The following STK3 variants were observed in gnomAD, a reference collection of about 807,000 sequenced individuals.
The protein encoded by STK3 is serine/threonine kinase 3, also known as serine/threonine-protein kinase 3.
A neutral mutation model predicts 58.0 loss-of-function variants in STK3; 41 were observed. The observed-to-expected ratio is 0.71, with a 90% CI of 0.55 to 0.92. The LOEUF (loss-of-function observed/expected upper bound fraction) is 0.92. Ranked by LOEUF, STK3 falls within the 40% of genes least tolerant of loss-of-function variation. STK3 has a pLI of 0.00. For missense variants in STK3, 479 were observed against 602.7 expected, an observed-to-expected ratio of 0.79 and a Z score of 2.15; for synonymous variants, 170 against 191.0, an observed-to-expected ratio of 0.89 and a Z score of 0.91.
At chr8:98,514,059 G>T (rs564735603) in intron 10 of STK3, among the ~76,000 whole-genome samples, 26 of 152,216 alleles carry the variant, frequency 1.7e-4, no homozygotes, top group African/African-American at 6.3e-4. Flanking sequence ...AGATAACCAC[G>T]TTCACTCAGA....
chr8:98,630,694 A>G (rs577362418), intron 6 of STK3, among the ~76,000 whole-genome samples: 5 of 142,680 alleles, frequency 3.5e-5, no homozygotes, highest in Non-Finnish European at 7.5e-5. Flanking sequence ...GAAGGAGAAG[A>G]AGGAGGAGAA....
intron 3 of STK3, among the ~76,000 whole-genome samples, chr8:98,838,823 G>C (rs775878959): frequency 6.6e-6 from 1 of 151,942 alleles, no homozygotes; most frequent in Non-Finnish European, 1.5e-5. Flanking sequence ...AACTCTCAAG[G>C]TTATTCCATT....
intron 6 of STK3, among the ~76,000 whole-genome samples, chr8:98,634,244 T>C (rs531791444): frequency 6.6e-6 from 1 of 152,270 alleles, no homozygotes; most frequent in African/African-American, 2.4e-5. Flanking sequence ...GCCAGCACTT[T>C]GGGAGGCCAA....
At chr8:98,400,493 C>A (rs566278093), downstream of STK3, among the ~76,000 whole-genome samples, 1 of 152,232 alleles carries the variant, frequency 6.6e-6, no homozygotes, top group Non-Finnish European at 1.5e-5. Context: ...ATCTCTCTCA[C>A]GCAGATCCCT....
At chr8:98,473,020 CTTCAAAAAT>C (rs1821039413) in intron 10 of STK3, among the ~76,000 whole-genome samples, 2 of 152,026 alleles carry the variant, frequency 1.3e-5, no homozygotes, top group South Asian at 4.1e-4. Flanking sequence ...TGTAAAGTGC[CTTCAAAAAT>C]TTGTTACTCT....
chr8:98,672,251 G>A (rs868222373), intron 6 of STK3, among the ~76,000 whole-genome samples: 8 of 151,734 alleles, frequency 5.3e-5, no homozygotes, highest in Admixed American at 1.3e-4. Context: ...CATGGTGGGC[G>A]GTGGGTGTGG....
intron 3 of STK3, among the ~76,000 whole-genome samples, chr8:98,763,669 T>G (rs1830767942): frequency 6.6e-6 from 1 of 151,760 alleles, no homozygotes; most frequent in Non-Finnish European, 1.5e-5. Context: ...ATTGTTTTTC[T>G]TTTTCTTTTT....
chr8:98,529,505 G>A (rs956172546), intron 9 of STK3, among the ~76,000 whole-genome samples: 2 of 152,058 alleles, frequency 1.3e-5, no homozygotes, highest in African/African-American at 4.8e-5. Flanking sequence ...CAAAACAGAG[G>A]TTTTATTGAC....
intron 2 of STK3, 26 bp downstream of exon 2, chr8:98,774,713 C>A: frequency 6.9e-7 from 1 of 1,454,208 alleles, no homozygotes; most frequent in East Asian, 2.3e-5. Context: ...AAATTATTTA[C>A]ATGCTTTCAT....
chr8:98,381,706 T>A (rs4478542), intron 1 of STK3, among the ~76,000 whole-genome samples: 1 of 151,990 alleles, frequency 6.6e-6, no homozygotes, highest in Non-Finnish European at 1.5e-5. Flanking sequence ...GATGAGTACA[T>A]GGAGGCTAAA....
chr8:98,442,889 G>A (rs1466347610), intron 1 of STK3, among the ~76,000 whole-genome samples: 1 of 151,826 alleles, frequency 6.6e-6, no homozygotes, highest in Non-Finnish European at 1.5e-5. Context: ...CACAGTGCAG[G>A]AAGTCCTGAG....
chr8:98,657,025 G>C (rs1485116236), intron 6 of STK3, among the ~76,000 whole-genome samples: 2 of 151,916 alleles, frequency 1.3e-5, no homozygotes, highest in African/African-American at 2.4e-5. Flanking sequence ...TGCCTTTAAA[G>C]AATACATATA....
chr8:98,371,556 A>G (rs1817611021), exon 3 of STK3: 1 of 152,276 alleles, frequency 6.6e-6, no homozygotes, highest in African/African-American at 2.4e-5. Context: ...GGGAGCCAGC[A>G]GCAGGAATGT....
At chr8:98,812,388 A>G (rs545847033) in intron 1 of STK3, among the ~76,000 whole-genome samples, 28 of 152,318 alleles carry the variant, frequency 1.8e-4, no homozygotes, top group African/African-American at 5.8e-4. Flanking sequence ...TCAGGAAACA[A>G]CAGGTGCTGG....
chr8:98,815,667 C>A (rs553383983), intron 1 of STK3, among the ~76,000 whole-genome samples: 5 of 151,818 alleles, frequency 3.3e-5, no homozygotes, highest in Admixed American at 3.3e-4. Flanking sequence ...CTCATAATGG[C>A]ATTTAAAAGA....
In STK3 at chr8:98,387,406, A is replaced by G. The variant is rs540131820; in HGVS notation, n.56+786T>C. Among the ~76,000 whole-genome samples, 7 of 152,376 alleles carry G rather than the reference A, an allele frequency of 4.6e-5. No homozygotes were observed. In the South Asian group the frequency reaches 1.2e-3, roughly 27 times the overall value. ...GAATTGGAAACCTAAGCATGAGTCC[A>G]TGATGTATTTTCTCTTTAAAATAAA... On this transcript the variant is annotated intron_variant and non_coding_transcript_variant, in intron 1 of 2. Coordinates refer to the STK3 transcript ENST00000518704.
chr8:98,568,063 T>TGATG (rs373444890), intron 8 of STK3, among the ~76,000 whole-genome samples: 148 of 146,580 alleles, frequency 1.0e-3, no homozygotes, highest in African/African-American at 3.5e-3. Context: ...CTTAGATAGA[T>TGATG]GATAGATAGA....
rs192744252 is a variant in STK3 at position 98,443,911 on chromosome 8, A to G, written n.186-6703T>C. Among the ~76,000 whole-genome samples the G allele has an allele frequency of 2.0e-3, 301 of 152,352 alleles. 3 individuals are homozygous for G. Among genetic ancestry groups the G allele is most frequent in the East Asian group, 1.2e-3 (6 of 5,196 alleles). ...CAAACCAGGGCGACAGAGCAAGACT[A>G]TGTCTCTAAATAAATAAATAAGTAA... On this transcript the variant is annotated intron_variant and non_coding_transcript_variant, in intron 1 of 3. Coordinates refer to the STK3 transcript ENST00000517832.
At chr8:98,726,298 G>T (rs914418566) in intron 4 of STK3, among the ~76,000 whole-genome samples, 4 of 152,190 alleles carry the variant, frequency 2.6e-5, no homozygotes, top group Non-Finnish European at 5.9e-5. Context: ...AGGTAGAAGG[G>T]ATAGTCTATG....
Sources: allele counts gnomAD v4.1 joint callset (sites outside exome capture counted in the v4.1 genomes callset), GRCh38; gene constraint gnomAD v4.1.1; transcripts MANE v1.5; gene names NCBI Gene and HGNC (gene_info 2026-07-23, HGNC 2026-07-21).